Variants in SEC11C observed in about 807,000 individuals in gnomAD.
The protein encoded by SEC11C is signal peptidase complex catalytic subunit SEC11C.
In SEC11C, 10 loss-of-function variants were observed where a neutral mutation model predicts 21.9. That is an observed-to-expected ratio of 0.46 (90% confidence interval 0.28 to 0.77). The LOEUF (loss-of-function observed/expected upper bound fraction) is 0.77. Among genes scored for constraint, SEC11C ranks in the 30% least tolerant of loss-of-function variants. The probability of loss-of-function intolerance (pLI) is 0.12; values close to 1 mark genes in which losing one functional copy is unlikely to be tolerated. For synonymous variants in SEC11C, 83 were observed against 85.6 expected, an observed-to-expected ratio of 0.97 and a Z score of 0.17; for missense variants, 145 against 244.5, an observed-to-expected ratio of 0.59 and a Z score of 2.71.
intron 2 of SEC11C, 140 bp from the exon 3 acceptor site, chr18:59,152,396 C>T (rs2069366224): frequency 1.3e-6 from 1 of 760,354 alleles, no homozygotes. Flanking sequence ...CCACCTTGAG[C>T]AGTTAAGAAG....
chr18:59,141,213 A>T (rs1446732107), intron 1 of SEC11C, among the ~76,000 whole-genome samples: 1 of 152,084 alleles, frequency 6.6e-6, no homozygotes, highest in African/African-American at 2.4e-5. Context: ...GGAAAGTTTG[A>T]TAATTTCTAT....
chr18:59,142,220 A>G lies in SEC11C; in HGVS notation c.87+2185A>G, dbSNP rs146998987. Among the ~76,000 whole-genome samples the G allele has an allele frequency of 4.6e-3, 693 of 152,274 alleles. 22 individuals are homozygous for G. The highest frequency in any genetic ancestry group is 0.04 in the Admixed American group (611 of 15,296). On this transcript the variant is annotated intron_variant, in intron 1 of 5. Coordinates refer to ENST00000587834, the MANE Select transcript of SEC11C (RefSeq NM_033280.4). ...TAGTTTGATTTTTATATTTTTGTGT[A>G]TTTGGACATTTCCTTAGCAGGTAGA...
chr18:59,154,133 T>C (rs2069392607), intron 3 of SEC11C, among the ~76,000 whole-genome samples: 1 of 152,228 alleles, frequency 6.6e-6, no homozygotes, highest in Non-Finnish European at 1.5e-5. Flanking sequence ...AACGGTTACT[T>C]GATGCCTACC....
intron 4 of SEC11C, 199 bp downstream of exon 4, chr18:59,156,006 T>C: frequency 1.9e-6 from 1 of 514,574 alleles, no homozygotes; most frequent in South Asian, 2.1e-5. Context: ...AACCCAATTA[T>C]ATTATCTATA....
Position 59,157,684 on chromosome 18 carries a change from C to T in SEC11C, c.525+19C>T, listed in dbSNP as rs1265406490. 23 of 1,519,868 alleles carry T rather than the reference C, an allele frequency of 1.5e-5. No individual in the cohort carries two copies. Among genetic ancestry groups the T allele is most frequent in the Non-Finnish European group, 2.1e-5 (23 of 1,095,702 alleles). 94.1% of individuals were successfully genotyped at this position (1,519,868 alleles called of 1,614,324 possible). ...ATTCAAGGTAGGAATTTATGTGTGT[C>T]TATATTTATTTACTTCGTTAAATAT... On this transcript the variant is annotated intron_variant, in intron 5 of 5. Transcript: ENST00000587834.
rs759847550 is a variant in SEC11C, at chr18:59,149,613, T to C, written c.188T>C (p.Val63Ala). The C allele has an allele frequency of 6.2e-7, 1 of 1,609,596 alleles. No individual in the cohort carries two copies. The change falls in exon 2 of 6, where the codon GTG (valine) becomes GCG (alanine). Residue 63 changes from valine to alanine, a missense_variant. Coordinates refer to ENST00000587834, the MANE Select transcript of SEC11C (RefSeq NM_033280.4). ...VLTGSESPIVVVLSGSMEPAF... is the reference protein window; with the variant it reads ...VLTGSESPIVAVLSGSMEPAF... ...ACAGGCAGTGAGAGCCCCATCGTGGTGGTGCTGAGGTAGGTCCCCCAGGCT... is the reference window on the plus strand; with the variant it reads ...ACAGGCAGTGAGAGCCCCATCGTGGCGGTGCTGAGGTAGGTCCCCCAGGCT...
intron 5 of SEC11C, 127 bp from the exon 6 acceptor site, chr18:59,158,505 T>G: frequency 1.3e-6 from 1 of 742,216 alleles, no homozygotes; most frequent in Non-Finnish European, 2.3e-6. Flanking sequence ...GAACAAGCCA[T>G]GGGGGGAAGA....
chr18:59,140,493 A>G (rs2069197382), intron 1 of SEC11C, among the ~76,000 whole-genome samples: 1 of 152,242 alleles, frequency 6.6e-6, no homozygotes, highest in African/African-American at 2.4e-5. Flanking sequence ...CTGTCCAGCG[A>G]TGCCTCCCAA....
At chr18:59,158,603 A>G in intron 5 of SEC11C, 29 bp from the exon 6 acceptor site, 2 of 1,604,728 alleles carry the variant, frequency 1.2e-6, no homozygotes, top group Non-Finnish European at 1.7e-6. Flanking sequence ...TAGACCTCAC[A>G]GTGATTTTCC....
At chr18:59,153,201 T>TC (rs1204507759) in intron 3 of SEC11C, 1 of 152,274 alleles carries the variant, frequency 6.6e-6, no homozygotes, top group Non-Finnish European at 1.5e-5. Flanking sequence ...CACCGCCCCA[T>TC]CCCCTACTCC....
chr18:59,143,307 C>T (rs938538186), intron 1 of SEC11C, among the ~76,000 whole-genome samples: 8 of 144,318 alleles, frequency 5.5e-5, no homozygotes, highest in African/African-American at 1.0e-4. Flanking sequence ...GAGCAGAGAT[C>T]GCGCCATTGC....
intron 1 of SEC11C, among the ~76,000 whole-genome samples, chr18:59,146,240 G>A (rs2069274792): frequency 6.6e-6 from 1 of 152,246 alleles, no homozygotes; most frequent in South Asian, 2.1e-4. Flanking sequence ...TGAATGGGTA[G>A]GGGGTGGCTC....
intron 5 of SEC11C, 132 bp downstream of exon 5, chr18:59,157,797 A>G (rs1193372876): frequency 3.1e-6 from 2 of 643,434 alleles, no homozygotes; most frequent in Non-Finnish European, 5.5e-6. Context: ...GTAGTTAACT[A>G]CAAATTAATG....
chr18:59,147,682 AG>A (rs571558515), intron 1 of SEC11C: 135 of 148,698 alleles, frequency 9.1e-4, no homozygotes, highest in African/African-American at 3.2e-3. Flanking sequence ...AGGGGACCGT[AG>A]GGCTGAAATC....
intron 2 of SEC11C, among the ~76,000 whole-genome samples, chr18:59,151,664 G>A (rs561290668): frequency 6.6e-6 from 1 of 152,240 alleles, no homozygotes; most frequent in African/African-American, 2.4e-5. Flanking sequence ...CTGTTGGGAG[G>A]CATGGTTTTC....
intron 5 of SEC11C, among the ~76,000 whole-genome samples, 184 bp from the exon 6 acceptor site, chr18:59,158,448 A>C (rs1018536635): frequency 6.6e-6 from 1 of 152,168 alleles, no homozygotes; most frequent in Admixed American, 6.5e-5. Flanking sequence ...CCATCAGTAT[A>C]TTTTTGGGTT....
chr18:59,158,553 C>T (rs1313016372), intron 5 of SEC11C, 79 bp from the exon 6 acceptor site: 11 of 1,098,940 alleles, frequency 1.0e-5, no homozygotes, highest in African/African-American at 6.2e-5. Context: ...CAGTATTTAA[C>T]GGACTTCATC....
chr18:59,143,352 C>CAAAA lies in SEC11C; in HGVS notation c.87+3337_87+3340dup, dbSNP rs36204971. On this transcript the variant is annotated intron_variant, in intron 1 of 5. Coordinates refer to ENST00000587834, the MANE Select transcript of SEC11C (RefSeq NM_033280.4). Reference sequence around the variant, plus strand: ...TGGGCAACAGAGTGAGACTCCATTTCAAAAAAAAAAAAAAAAAAAAAAAGT... The same window carrying CAAAA: ...TGGGCAACAGAGTGAGACTCCATTTCAAAAAAAAAAAAAAAAAAAAAAAAAAAGT... Among the ~76,000 whole-genome samples, 119 of 111,156 alleles carry CAAAA rather than the reference C, an allele frequency of 1.1e-3. 1 individual carries two copies. In the East Asian group the frequency reaches 0.013, roughly 12 times the overall value. 72.9% of individuals were successfully genotyped at this position (111,156 alleles called of 152,430 possible).
intron 1 of SEC11C, among the ~76,000 whole-genome samples, chr18:59,141,580 G>A (rs2069211002): frequency 1.3e-5 from 2 of 152,096 alleles, no homozygotes. Context: ...GTAGCTGGCT[G>A]TATTGCCTGT....
Sources: gnomAD v4.1 joint callset for allele counts (sites outside exome capture counted in the v4.1 genomes callset) on GRCh38, gnomAD v4.1.1 for gene constraint, MANE v1.5 for transcripts, NCBI Gene and HGNC (gene_info 2026-07-23, HGNC 2026-07-21) for gene names.